DAB1: variants seen among roughly 807,000 people sequenced by gnomAD.
DAB1 encodes the protein disabled homolog 1.
A neutral mutation model predicts 64.6 loss-of-function variants in DAB1; 15 were observed. That is an observed-to-expected ratio of 0.23 (90% CI 0.16 to 0.36). The LOEUF (loss-of-function observed/expected upper bound fraction) is 0.36. Among genes scored for constraint, DAB1 ranks in the 10% least tolerant of loss-of-function variants. DAB1 has a pLI of 1.00. For missense variants in DAB1, 596 were observed against 706.7 expected, an observed-to-expected ratio of 0.84 and a Z score of 1.78; for synonymous variants, 235 against 251.9, an observed-to-expected ratio of 0.93 and a Z score of 0.64.
chr1:57,186,456 G>A (rs1228196075), intron 2 of DAB1, among the ~76,000 whole-genome samples: 1 of 152,114 alleles, frequency 6.6e-6, no homozygotes, highest in African/African-American at 2.4e-5. Flanking sequence ...TTTATTAGTG[G>A]GCCAATGGAT....
chr1:57,025,960 C>A, intron 10 of DAB1, 21 bp downstream of exon 10: 1 of 1,553,730 alleles, frequency 6.4e-7, no homozygotes, highest in South Asian at 1.2e-5. Context: ...GAGCAGGGTT[C>A]AGAGAGCAAT....
intron 6 of DAB1, among the ~76,000 whole-genome samples, chr1:57,687,190 G>C (rs1266442070): frequency 1.3e-5 from 2 of 152,112 alleles, no homozygotes; most frequent in Non-Finnish European, 2.9e-5. Flanking sequence ...ATTGACTGTA[G>C]TAAAGTTTTG....
rs546074586 is a variant in DAB1 at position 57,768,049 on chromosome 1, C to T, written n.551+115950G>A. 1.3e-3 allele frequency among the ~76,000 whole-genome samples: 200 copies of T among 151,580 alleles called. 1 individual carries two copies. Among genetic ancestry groups the T allele is most frequent in the African/African-American group, 4.6e-3 (189 of 41,294 alleles). ...AACATTAGCCAGGTTTGGTGGTGTG[C>T]GCCTGTAATCCCAGCTACTTGGGAG... On this transcript the variant is annotated intron_variant and non_coding_transcript_variant, in intron 6 of 20. Coordinates refer to the DAB1 transcript ENST00000485760.
intron 5 of DAB1, among the ~76,000 whole-genome samples, chr1:58,006,274 A>C (rs1328662682): frequency 6.6e-6 from 1 of 152,298 alleles, no homozygotes; most frequent in East Asian, 1.9e-4. Context: ...AGATTGAGTG[A>C]CTGGCAAGTT....
At chr1:58,075,928 T>A in intron 5 of DAB1, among the ~76,000 whole-genome samples, 1 of 149,766 alleles carries the variant, frequency 6.7e-6, no homozygotes, top group South Asian at 2.1e-4. Context: ...TTACAAGTCT[T>A]TCTCTCTCTC....
At chr1:58,373,194 T>C (rs1178080861) in intron 3 of DAB1, among the ~76,000 whole-genome samples, 1 of 151,286 alleles carries the variant, frequency 6.6e-6, no homozygotes, top group African/African-American at 2.4e-5. Context: ...AATTATACTT[T>C]AAGTTTTAGG....
At chr1:57,092,771 T>C (rs1335644184) in intron 4 of DAB1, among the ~76,000 whole-genome samples, 1 of 152,012 alleles carries the variant, frequency 6.6e-6, no homozygotes, top group African/African-American at 2.4e-5. Context: ...GGGAGAAGTC[T>C]CTGACAGTTA....
intron 2 of DAB1, among the ~76,000 whole-genome samples, chr1:57,229,775 A>AG (rs1385750594): frequency 3.3e-5 from 5 of 152,206 alleles, no homozygotes; most frequent in Admixed American, 6.5e-5. Context: ...AAGCAAAAGG[A>AG]AACACATTGT....
At chr1:57,661,961 A>G (rs1159162841) in intron 6 of DAB1, among the ~76,000 whole-genome samples, 1 of 152,102 alleles carries the variant, frequency 6.6e-6, no homozygotes, top group Non-Finnish European at 1.5e-5. Context: ...AATAAAAGGA[A>G]TGTTGGGACT....
At chr1:58,017,055 G>A (rs961486987) in intron 5 of DAB1, among the ~76,000 whole-genome samples, 1 of 152,050 alleles carries the variant, frequency 6.6e-6, no homozygotes, top group African/African-American at 2.4e-5. Flanking sequence ...TGGCACAGTG[G>A]GGGCAGCACC....
chr1:57,895,200 T>C (rs112318780), intron 5 of DAB1, among the ~76,000 whole-genome samples: 5 of 152,164 alleles, frequency 3.3e-5, no homozygotes, highest in East Asian at 1.9e-4. Context: ...CCAACACTTA[T>C]GTAGCGCGTG....
chr1:58,103,813 G>A (rs1557651361), intron 5 of DAB1, among the ~76,000 whole-genome samples: 1 of 151,946 alleles, frequency 6.6e-6, no homozygotes, highest in East Asian at 1.9e-4. Flanking sequence ...TTCTTCCTTG[G>A]GCCAGTCTTT....
At chr1:57,170,593 T>C (rs1023744332) in intron 2 of DAB1, among the ~76,000 whole-genome samples, 1 of 152,074 alleles carries the variant, frequency 6.6e-6, no homozygotes, top group African/African-American at 2.4e-5. Flanking sequence ...GCAGGGGCTT[T>C]GAGAAGGTTT....
intron 4 of DAB1, among the ~76,000 whole-genome samples, chr1:58,249,803 G>C (rs1002756008): frequency 6.6e-6 from 1 of 152,108 alleles, no homozygotes; most frequent in South Asian, 2.1e-4. Flanking sequence ...ATTCCGCTTG[G>C]GGGGTTCCCA....
At chr1:58,236,719 C>T (rs769654616) in intron 4 of DAB1, among the ~76,000 whole-genome samples, 7 of 152,204 alleles carry the variant, frequency 4.6e-5, no homozygotes, top group Non-Finnish European at 8.8e-5. Flanking sequence ...CTATAGAGAA[C>T]GGCCCTGGGA....
chr1:57,389,440 T>C (rs1197692707), intron 1 of DAB1, among the ~76,000 whole-genome samples: 1 of 152,136 alleles, frequency 6.6e-6, no homozygotes, highest in Non-Finnish European at 1.5e-5. Flanking sequence ...TGGGGAACAG[T>C]AACACGGGAC....
chr1:57,679,843 T>C (rs1184481444), intron 6 of DAB1, among the ~76,000 whole-genome samples: 1 of 152,210 alleles, frequency 6.6e-6, no homozygotes, highest in Non-Finnish European at 1.5e-5. Flanking sequence ...AGTCAGGCAC[T>C]GTACTAAGTT....
intron 1 of DAB1, among the ~76,000 whole-genome samples, chr1:57,359,282 A>C (rs1343112630): frequency 6.6e-6 from 1 of 152,004 alleles, no homozygotes; most frequent in Non-Finnish European, 1.5e-5. Flanking sequence ...TTGTTAAAAG[A>C]CTGAATAAAC....
At chr1:58,263,513 T>A (rs1661095901) in intron 4 of DAB1, among the ~76,000 whole-genome samples, 1 of 152,190 alleles carries the variant, frequency 6.6e-6, no homozygotes, top group South Asian at 2.1e-4. Flanking sequence ...CTCCCTGGTA[T>A]GTAGACATCC....
Sources: allele counts gnomAD v4.1 joint callset (sites outside exome capture counted in the v4.1 genomes callset), GRCh38; gene constraint gnomAD v4.1.1; transcripts MANE v1.5; gene names NCBI Gene and HGNC (gene_info 2026-07-23, HGNC 2026-07-21).